RFX7: variants seen among roughly 807,000 people sequenced by gnomAD.
The protein encoded by RFX7 is regulatory factor X7, also known as DNA-binding protein RFX7.
Under a neutral mutation model 111.8 loss-of-function variants are expected in RFX7, and 26 were observed. The ratio of observed to expected loss-of-function variants is 0.23; its 90% CI spans 0.17 to 0.32. The LOEUF (loss-of-function observed/expected upper bound fraction) is 0.32. Among genes scored for constraint, RFX7 ranks in the 10% least tolerant of loss-of-function variants. The probability of loss-of-function intolerance (pLI) is 1.00; values close to 1 mark genes in which losing one functional copy is unlikely to be tolerated. For missense variants in RFX7, 1,573 were observed against 1,772.9 expected, an observed-to-expected ratio of 0.89 and a Z score of 2.02; for synonymous variants, 624 against 624.4, an observed-to-expected ratio of 1.00 and a Z score of 0.01.
At chr15:56,142,511 A>G (rs145619059) in intron 5 of RFX7, among the ~76,000 whole-genome samples, 118 of 152,164 alleles carry the variant, frequency 7.8e-4, no homozygotes, top group African/African-American at 2.5e-3. Flanking sequence ...TTATTCACCA[A>G]TCCTACACCA....
At chr15:56,154,930 C>G (rs563555295) in intron 3 of RFX7, among the ~76,000 whole-genome samples, 1 of 152,036 alleles carries the variant, frequency 6.6e-6, no homozygotes, top group East Asian at 1.9e-4. Flanking sequence ...AACAAACTTA[C>G]AAGAAAAAAA....
At chr15:56,217,494 G>C (rs2043374636) in intron 2 of RFX7, among the ~76,000 whole-genome samples, 1 of 150,294 alleles carries the variant, frequency 6.7e-6, no homozygotes, top group Non-Finnish European at 1.5e-5. Context: ...CACATACTCT[G>C]AATTTGTGTG....
intron 2 of RFX7, among the ~76,000 whole-genome samples, chr15:56,226,579 G>C (rs2043485767): frequency 6.6e-6 from 1 of 152,016 alleles, no homozygotes. Context: ...CAGAGCTGGA[G>C]GAAAAAGAAC....
At chr15:56,161,801 C>T (rs1291616753) in intron 3 of RFX7, among the ~76,000 whole-genome samples, 4 of 151,992 alleles carry the variant, frequency 2.6e-5, no homozygotes, top group Non-Finnish European at 5.9e-5. Flanking sequence ...TGCTAAAACA[C>T]TCATATAGTA....
At chr15:56,175,419 G>A (rs1360376929) in intron 3 of RFX7, among the ~76,000 whole-genome samples, 1 of 151,988 alleles carries the variant, frequency 6.6e-6, no homozygotes, top group Non-Finnish European at 1.5e-5. Context: ...AATAAAAATT[G>A]ACAAAGTAAC....
chr15:56,234,822 T>C (rs2043605066), intron 2 of RFX7, among the ~76,000 whole-genome samples: 1 of 152,244 alleles, frequency 6.6e-6, no homozygotes, highest in Non-Finnish European at 1.5e-5. Context: ...TCCAAATTCC[T>C]ATCAACTTTA....
intron 5 of RFX7, among the ~76,000 whole-genome samples, chr15:56,140,718 ATG>A (rs2042380376): frequency 6.6e-6 from 1 of 152,116 alleles, no homozygotes; most frequent in Non-Finnish European, 1.5e-5. Context: ...CTCCCAAACA[ATG>A]TGATGTTTTG....
At chr15:56,180,767 A>G (rs1403287991) in intron 2 of RFX7, among the ~76,000 whole-genome samples, 1 of 151,328 alleles carries the variant, frequency 6.6e-6, no homozygotes, top group Non-Finnish European at 1.5e-5. Flanking sequence ...AAAAAAAAAA[A>G]AAAGCCGAGC....
chr15:56,143,574 C>T (rs902006819), intron 4 of RFX7, among the ~76,000 whole-genome samples: 4 of 151,818 alleles, frequency 2.6e-5, no homozygotes, highest in East Asian at 1.9e-4. Context: ...AAATAAATAC[C>T]GAAATGGACA....
chr15:56,216,242 G>C (rs1190898316), intron 2 of RFX7, among the ~76,000 whole-genome samples: 2 of 151,988 alleles, frequency 1.3e-5, no homozygotes, highest in South Asian at 2.1e-4. Flanking sequence ...TAGAATCTTG[G>C]GTAGATTTCA....
At chr15:56,117,883 T>C (rs1337820084) in intron 5 of RFX7, among the ~76,000 whole-genome samples, 1 of 152,144 alleles carries the variant, frequency 6.6e-6, no homozygotes, top group African/African-American at 2.4e-5. Context: ...GACACCTAGG[T>C]TGATTCTTTA....
chr15:56,173,034 C>A (rs1277971350), intron 3 of RFX7, among the ~76,000 whole-genome samples: 4 of 152,120 alleles, frequency 2.6e-5, no homozygotes, highest in African/African-American at 9.7e-5. Flanking sequence ...TATCTGAAGA[C>A]AACTTGACTG....
At chr15:56,179,677 C>T (rs191518923) in intron 2 of RFX7, among the ~76,000 whole-genome samples, 187 of 151,930 alleles carry the variant, frequency 1.2e-3, no homozygotes, top group Admixed American at 1.9e-3. Context: ...TTGCTTAGCA[C>T]TTAAAAGTCA....
chr15:56,146,108 TG>T (rs1387582046), intron 3 of RFX7, among the ~76,000 whole-genome samples: 1 of 152,094 alleles, frequency 6.6e-6, no homozygotes, highest in African/African-American at 2.4e-5. Flanking sequence ...TTTGTCAAAT[TG>T]TTTTTTTTAA....
chr15:56,180,312 T>C (rs1567038717), intron 2 of RFX7, among the ~76,000 whole-genome samples: 1 of 152,134 alleles, frequency 6.6e-6, no homozygotes, highest in Non-Finnish European at 1.5e-5. Context: ...CAATAAAATA[T>C]GACTGGATTC....
intron 2 of RFX7, among the ~76,000 whole-genome samples, chr15:56,184,646 GTTC>G (rs75613770): frequency 0.13 from 19,600 of 152,052 alleles, 1,625 homozygotes; most frequent in East Asian, 0.43. Flanking sequence ...TAAGGCTTTT[GTTC>G]TTCTGTTCTC....
rs1446187716 is a variant in RFX7, at chr15:56,096,135, T to TC, written c.1592dup (p.Thr532AsnfsTer16). ...CCACTTTGACTTCCACAGCAGATGT[T>TC]CCCCCCGCACTGCTGCTCCTGGACC... is the stretch of plus-strand genomic sequence containing the variant. On this transcript the variant is annotated frameshift_variant, in exon 10 of 10. Transcript: ENST00000559447. LOFTEE classifies it high-confidence loss of function. 6.2e-7 allele frequency: 1 copy of TC among 1,613,708 alleles called. No homozygotes were observed. The highest frequency in any genetic ancestry group is 8.5e-7 in the Non-Finnish European group (1 of 1,179,810).
At chr15:56,236,808 C>G (rs777990171) in intron 2 of RFX7, among the ~76,000 whole-genome samples, 15 of 152,188 alleles carry the variant, frequency 9.9e-5, no homozygotes, top group Non-Finnish European at 2.1e-4. Flanking sequence ...CAAACAGCCT[C>G]CCTACTACAA....
intron 2 of RFX7, among the ~76,000 whole-genome samples, chr15:56,199,743 T>C (rs2141178701): frequency 1.3e-5 from 2 of 152,026 alleles, no homozygotes; most frequent in South Asian, 2.1e-4. Flanking sequence ...ACTAGCTATA[T>C]GCCCTTGACT....
Sources: gnomAD v4.1 joint callset for allele counts (sites outside exome capture counted in the v4.1 genomes callset) on GRCh38, gnomAD v4.1.1 for gene constraint, MANE v1.5 for transcripts, NCBI Gene and HGNC (gene_info 2026-07-23, HGNC 2026-07-21) for gene names.